Variants in SEL1L observed in about 807,000 individuals in gnomAD.
The protein encoded by SEL1L is protein sel-1 homolog 1.
In SEL1L, 52 loss-of-function variants were observed where a neutral mutation model predicts 109.8. The observed-to-expected ratio is 0.47, with a 90% CI of 0.38 to 0.60. The LOEUF is 0.60. Ranked by LOEUF, SEL1L falls within the 20% of genes least tolerant of loss-of-function variation. The pLI is 0.00. For synonymous variants in SEL1L, 373 were observed against 339.6 expected (o/e 1.10, Z -1.08); for missense variants, 749 against 962.2 (o/e 0.78, Z 2.93).
chr14:81,533,605 C>T, intron 1 of SEL1L, 70 bp downstream of exon 1: 1 of 1,486,522 alleles, frequency 6.7e-7, no homozygotes. Flanking sequence ...GGAGTCCCCA[C>T]GGCCCCGCCG....
intron 1 of SEL1L, among the ~76,000 whole-genome samples, chr14:81,530,348 T>C (rs1595540752): frequency 6.6e-6 from 1 of 152,214 alleles, no homozygotes. Flanking sequence ...TTCTGACACA[T>C]GGTTCAGTAA....
rs1414121487 is a variant in SEL1L at position 81,475,020 on chromosome 14, C to T, written c.*1952G>A. ...GAAGAAAAAAGTGAAAGTTGGTAGT[C>T]ATCTTGGGTGGTTTTTCAACTTTTA... On this transcript the variant is annotated 3_prime_UTR_variant, in exon 21 of 21. Transcript: ENST00000336735. 1.3e-5 allele frequency: 2 copies of T among 152,142 alleles called. No individual in the cohort carries two copies. Among genetic ancestry groups the T allele is most frequent in the Admixed American group, 6.5e-5 (1 of 15,270 alleles). 9.4% of individuals were successfully genotyped at this position (152,142 alleles called of 1,614,324 possible).
chr14:81,503,225 C>T (rs1307808275), intron 5 of SEL1L, among the ~76,000 whole-genome samples: 3 of 152,236 alleles, frequency 2.0e-5, no homozygotes, highest in Non-Finnish European at 1.5e-5. Flanking sequence ...CTCCTGGTCA[C>T]CTCAGCCTCC....
intron 19 of SEL1L, among the ~76,000 whole-genome samples, chr14:81,480,223 CT>C (rs1044380745): frequency 1.3e-5 from 2 of 151,960 alleles, no homozygotes; most frequent in African/African-American, 4.8e-5. Context: ...CAGAGTCTTG[CT>C]GTCACCCAGG....
intron 3 of SEL1L, among the ~76,000 whole-genome samples, chr14:81,509,282 A>G (rs1441612165): frequency 6.6e-6 from 1 of 152,238 alleles, no homozygotes; most frequent in African/African-American, 2.4e-5. Flanking sequence ...CCATCCTTTT[A>G]AAAACCTCCA....
intron 20 of SEL1L, among the ~76,000 whole-genome samples, chr14:81,477,540 G>T (rs752512196): frequency 6.6e-6 from 1 of 152,084 alleles, no homozygotes; most frequent in South Asian, 2.1e-4. Flanking sequence ...GGCCAGGCGC[G>T]GGGGCTCAGG....
Position 81,510,514 on chromosome 14 carries a change from C to CTATATA in SEL1L, c.341-4279_341-4274dup, listed in dbSNP as rs1555346599. On this transcript the variant is annotated intron_variant, in intron 3 of 20. Coordinates refer to ENST00000336735, the MANE Select transcript of SEL1L (RefSeq NM_005065.6). ...TCTCTCTCTCTCTCTCTCTCTCTCT[C>CTATATA]TATATATATATATATAGACAATTAA... 9.8e-3 allele frequency among the ~76,000 whole-genome samples: 1,018 copies of CTATATA among 104,006 alleles called. 13 individuals carry two copies. Among genetic ancestry groups the CTATATA allele is most frequent in the South Asian group, 0.024 (64 of 2,636 alleles). 68.2% of individuals were successfully genotyped at this position (104,006 alleles called of 152,430 possible).
intron 10 of SEL1L, among the ~76,000 whole-genome samples, chr14:81,496,963 C>T (rs932817612): frequency 4.6e-5 from 7 of 152,004 alleles, no homozygotes; most frequent in African/African-American, 1.7e-4. Flanking sequence ...ATAACCACTA[C>T]AAGAGTAGCA....
In SEL1L at chr14:81,498,420, G is replaced by A. The variant is rs1883865872; in HGVS notation, c.966C>T (p.Ala322=). The A allele has an allele frequency of 6.2e-7, 1 of 1,612,024 alleles. No homozygotes were observed. ...AAGGGGAAACATAGATACCATGATT[G>A]GCAACAAGACGATAGTGAGTCAGGG... ...ESALTHYRLV[A]NHVASDISLT... is the part of the protein sequence containing the mutation. The change falls in exon 9 of 21, where the codon GCC becomes GCT. Residue 322 remains alanine (A), a synonymous_variant. Coordinates refer to ENST00000336735, the MANE Select transcript of SEL1L (RefSeq NM_005065.6).
At chr14:81,486,618 T>G (rs1903527479) in intron 16 of SEL1L, among the ~76,000 whole-genome samples, 164 bp from the exon 17 acceptor site, 1 of 151,898 alleles carries the variant, frequency 6.6e-6, no homozygotes, top group African/African-American at 2.4e-5. Flanking sequence ...TTTAAAGTTT[T>G]CACTTACTCT....
chr14:81,488,022 G>A, intron 14 of SEL1L, 80 bp from the exon 15 acceptor site: 2 of 1,073,580 alleles, frequency 1.9e-6, no homozygotes, highest in South Asian at 1.5e-5. Flanking sequence ...TTAAAAAAAT[G>A]AACAAAGCAT....
At chr14:81,480,834 G>C (rs1039873516) in intron 19 of SEL1L, among the ~76,000 whole-genome samples, 18 of 152,134 alleles carry the variant, frequency 1.2e-4, no homozygotes, top group Admixed American at 1.0e-3. Context: ...CTGAGAATAG[G>C]CCTGTATGCA....
At chr14:81,507,238 T>C (rs1202879220) in intron 3 of SEL1L, among the ~76,000 whole-genome samples, 1 of 152,210 alleles carries the variant, frequency 6.6e-6, no homozygotes. Flanking sequence ...AGGAGTGACA[T>C]GCTCACATTT....
intron 1 of SEL1L, among the ~76,000 whole-genome samples, chr14:81,533,031 G>T (rs1031889965): frequency 6.6e-6 from 1 of 152,030 alleles, no homozygotes; most frequent in African/African-American, 2.4e-5. Context: ...TATATAAAAC[G>T]CATCTTATAA....
chr14:81,506,227 C>T lies in SEL1L; in HGVS notation c.355G>A (p.Glu119Lys), dbSNP rs1884233329. Residue 119 changes from glutamate (E) to lysine (K), a missense_variant, in exon 4 of 21, where the codon GAA becomes AAA. Glu to Lys is a moderately conservative substitution (Grantham distance 56). Transcript: ENST00000336735. ...KVRKPALTAI[E>K]GTAHGEPCHF... ...CAGGGCTCCCCATGTGCTGTGCCTT[C>T]AATGGCGGTCAAAGCTGGAATGACA... The T allele has an allele frequency of 6.3e-7, 1 of 1,598,296 alleles. No individual in the cohort carries two copies. The highest frequency in any genetic ancestry group is 1.1e-5 in the South Asian group (1 of 87,976).
In SEL1L at chr14:81,527,782, GA is replaced by G. The variant is rs1464509017; in HGVS notation, c.71-45del. Reference sequence around the variant, plus strand: ...ACAATTTAGTAATCTTTCTTGTTGGGAAATTAGTTATTATTAAAAGAAAACA... The same window carrying G: ...ACAATTTAGTAATCTTTCTTGTTGGGAATTAGTTATTATTAAAAGAAAACA... On this transcript the variant is annotated intron_variant, in intron 1 of 20. Coordinates refer to ENST00000336735, the MANE Select transcript of SEL1L (RefSeq NM_005065.6). 3.7e-6 allele frequency: 5 copies of G among 1,338,852 alleles called. No homozygotes were observed. The Admixed American group carries it at 9.6e-5, about 26-fold the overall frequency. The allele number at this position is 1,338,852 out of a possible 1,614,324, so 82.9% of individuals were successfully genotyped here. A position where few individuals can be genotyped will look rare whatever the true frequency, so the allele number is the denominator to read the frequency against.
chr14:81,475,966 T>C lies in SEL1L; in HGVS notation c.*1006A>G, dbSNP rs1039095514. The C allele has an allele frequency of 6.6e-6, 1 of 152,180 alleles. No individual in the cohort carries two copies. Among genetic ancestry groups the C allele is most frequent in the African/African-American group, 2.4e-5 (1 of 41,448 alleles). The allele number at this position is 152,180 out of a possible 1,614,324, so 9.4% of individuals were successfully genotyped here. On this transcript the variant is annotated 3_prime_UTR_variant, in exon 21 of 21. Coordinates refer to ENST00000336735, the MANE Select transcript of SEL1L (RefSeq NM_005065.6). The stretch of plus-strand genomic sequence containing the variant: ...TTATAATAGTAGTCACTGTAAGCCA[T>C]ACCCTGGCAATGATATTTCATATTT...
intron 6 of SEL1L, among the ~76,000 whole-genome samples, chr14:81,500,125 G>T (rs1379602998): frequency 6.6e-6 from 1 of 151,556 alleles, no homozygotes; most frequent in Non-Finnish European, 1.5e-5. Context: ...CAGCCAGGCT[G>T]GTCTTGAACT....
At chr14:81,504,479 T>TA (rs527803605) in intron 4 of SEL1L, among the ~76,000 whole-genome samples, 173 bp from the exon 5 acceptor site, 9,277 of 149,948 alleles carry the variant, frequency 0.062, 395 homozygotes, top group Non-Finnish European at 0.093. Context: ...AGATAAAACT[T>TA]AAAAAAAATA....
Sources: gnomAD v4.1 joint callset for allele counts (sites outside exome capture counted in the v4.1 genomes callset) on GRCh38, gnomAD v4.1.1 for gene constraint, MANE v1.5 for transcripts, NCBI Gene and HGNC (gene_info 2026-07-23, HGNC 2026-07-21) for gene names.